PRKCZ: variants seen among roughly 807,000 people sequenced by gnomAD.
The protein encoded by PRKCZ is protein kinase C zeta type.
PRKCZ carries 33 observed loss-of-function variants against 79.5 expected under a neutral mutation model. The observed-to-expected ratio is 0.41, with a 90% confidence interval of 0.31 to 0.55. The LOEUF (loss-of-function observed/expected upper bound fraction) is 0.55, where lower values mean the gene tolerates loss of function less well. Among genes scored for constraint, PRKCZ ranks in the 20% least tolerant of loss-of-function variants. The probability of loss-of-function intolerance (pLI) is 0.19; values close to 1 mark genes in which losing one functional copy is unlikely to be tolerated. For synonymous variants in PRKCZ, 342 were observed against 320.9 expected (o/e 1.07, Z -0.70); for missense variants, 578 against 813.5 (o/e 0.71, Z 3.52).
At chr1:2,155,304 ATGG>A (rs1195846212) in intron 9 of PRKCZ, among the ~76,000 whole-genome samples, 8 of 150,444 alleles carry the variant, frequency 5.3e-5, no homozygotes, top group East Asian at 2.0e-4. Context: ...GGTGATGACA[ATGG>A]TGGTGATGAC....
intron 4 of PRKCZ, among the ~76,000 whole-genome samples, chr1:2,122,197 T>TCAC (rs199606555): frequency 2.1e-4 from 2 of 9,740 alleles, no homozygotes; most frequent in African/African-American, 6.7e-4. Context: ...GTGGTTAGGG[T>TCAC]GGTGGTGGTT....
chr1:2,154,312 C>T (rs771741885), intron 9 of PRKCZ, among the ~76,000 whole-genome samples: 13 of 152,030 alleles, frequency 8.6e-5, no homozygotes, highest in Admixed American at 1.3e-4. Flanking sequence ...AGGGAGAGGC[C>T]GGGCTGGGAG....
intron 16 of PRKCZ, among the ~76,000 whole-genome samples, chr1:2,176,072 C>T (rs984134048): frequency 5.9e-5 from 9 of 152,122 alleles, no homozygotes; most frequent in Middle Eastern, 3.4e-3. Flanking sequence ...GGACAGGGTG[C>T]GACGTACACT....
intron 4 of PRKCZ, among the ~76,000 whole-genome samples, chr1:2,076,853 C>A (rs530194134): frequency 6.6e-6 from 1 of 152,158 alleles, no homozygotes; most frequent in African/African-American, 2.4e-5. Flanking sequence ...GTCACTCATA[C>A]AGGAGACGCT....
chr1:2,060,801 G>A (rs1660603349), intron 4 of PRKCZ, among the ~76,000 whole-genome samples: 1 of 152,186 alleles, frequency 6.6e-6, no homozygotes, highest in African/African-American at 2.4e-5. Context: ...AGCGCAGGGC[G>A]AGTGTGAGGA....
chr1:2,156,960 T>C (rs1033500548), intron 10 of PRKCZ, among the ~76,000 whole-genome samples: 4 of 152,300 alleles, frequency 2.6e-5, no homozygotes, highest in African/African-American at 9.6e-5. Flanking sequence ...TATAAGATAC[T>C]GGTTCATGGG....
chr1:2,176,317 A>G (rs1190167809), intron 16 of PRKCZ, among the ~76,000 whole-genome samples: 1 of 151,900 alleles, frequency 6.6e-6, no homozygotes, highest in Non-Finnish European at 1.5e-5. Flanking sequence ...CTGTCAGGTT[A>G]AGGCAGGTAA....
chr1:2,121,936 TGGTGGTTAGGGTCACGGC>T (rs1672211611), intron 4 of PRKCZ, among the ~76,000 whole-genome samples: 1 of 132,666 alleles, frequency 7.5e-6, no homozygotes, highest in Non-Finnish European at 1.7e-5. Flanking sequence ...AGCGTCATGG[TGGTGGTTAGGGTCACGGC>T]GGTGGTTAGG....
At position 2,050,439 on chromosome 1, in the gene PRKCZ, G is replaced by T; in HGVS notation, c.-192G>T. The T allele has an allele frequency of 5.0e-6, 1 of 200,314 alleles. No individual in the cohort carries two copies. Among genetic ancestry groups the T allele is most frequent in the South Asian group, 1.6e-4 (1 of 6,092 alleles). 12.4% of individuals were successfully genotyped at this position (200,314 alleles called of 1,614,324 possible). A position where few individuals can be genotyped will look rare whatever the true frequency, so the allele number is the denominator to read the frequency against. ...CGGACACCGCCCCCCGCCCCCGCCG[G>T]ACGGTCCCGCCCCGCGCGCCCCCCG... On this transcript the variant is annotated 5_prime_UTR_variant, in exon 1 of 18. Transcript: ENST00000378567.
At chr1:2,097,554 T>A (rs1666732939) in intron 4 of PRKCZ, among the ~76,000 whole-genome samples, 1 of 152,196 alleles carries the variant, frequency 6.6e-6, no homozygotes, top group South Asian at 2.1e-4. Context: ...CCACTTCTCC[T>A]GGAGCCCCGT....
chr1:2,148,340 A>G (rs1040752470), intron 7 of PRKCZ, among the ~76,000 whole-genome samples: 1 of 150,622 alleles, frequency 6.6e-6, no homozygotes, highest in Non-Finnish European at 1.5e-5. Context: ...CCATCTGTCC[A>G]TCCACTGTCC....
Position 2,156,042 on chromosome 1 carries a change from C to T in PRKCZ, c.924C>T (p.Ser308=). 11 of 1,613,994 alleles carry T rather than the reference C, an allele frequency of 6.8e-6. No individual in the cohort carries two copies. The highest frequency in any genetic ancestry group is 9.3e-6 in the Non-Finnish European group (11 of 1,179,936). The part of the protein sequence containing the change: ...QTEKHVFEQA[S]SNPFLVGLHS... ...AGAAGCACGTGTTTGAGCAGGCATCCAGCAACCCCTTCCTGGTCGGATTAC... is the reference window on the plus strand; with the variant it reads ...AGAAGCACGTGTTTGAGCAGGCATCTAGCAACCCCTTCCTGGTCGGATTAC... Residue 308 remains serine, a synonymous_variant, in exon 10 of 18, where the codon TCC becomes TCT. Coordinates refer to ENST00000378567, the MANE Select transcript of PRKCZ (RefSeq NM_002744.6).
At position 2,184,714 on chromosome 1, in the gene PRKCZ, T is replaced by C. The variant is rs776200970; in HGVS notation, c.1691+16T>C. On this transcript the variant is annotated intron_variant, in intron 17 of 17. Coordinates refer to ENST00000378567, the MANE Select transcript of PRKCZ (RefSeq NM_002744.6). ...CAGACGATGAGTGAGTCCCACTGGG[T>C]GCGGGTCCCTGGAGCACCCCTCGGG... 7 of 1,605,800 alleles carry C rather than the reference T, an allele frequency of 4.4e-6. No homozygotes were observed. The African/African-American group carries it at 5.4e-5, about 12-fold the overall frequency.
intron 8 of PRKCZ, 41 bp downstream of exon 8, chr1:2,148,965 C>T: frequency 6.3e-7 from 1 of 1,590,990 alleles, no homozygotes; most frequent in Non-Finnish European, 8.6e-7. Flanking sequence ...CCGACGTCCT[C>T]TGGAAAGTCT....
chr1:2,131,612 G>A (rs1441401517), intron 4 of PRKCZ, among the ~76,000 whole-genome samples: 1 of 152,188 alleles, frequency 6.6e-6, no homozygotes, highest in African/African-American at 2.4e-5. Context: ...AGGAGCGCAG[G>A]ACTCGGCAAT....
At chr1:2,065,417 G>T (rs1266377728) in intron 4 of PRKCZ, among the ~76,000 whole-genome samples, 1 of 152,086 alleles carries the variant, frequency 6.6e-6, no homozygotes, top group East Asian at 1.9e-4. Flanking sequence ...GGTGGCTCAC[G>T]CCTGTAATCC....
At chr1:2,183,599 G>A (rs1687071101) in intron 16 of PRKCZ, 1 of 152,582 alleles carries the variant, frequency 6.6e-6, no homozygotes, top group Non-Finnish European at 1.5e-5. Flanking sequence ...TTTCTAGGGA[G>A]CAGAGTTCTT....
At position 2,055,299 on chromosome 1, in the gene PRKCZ, G is replaced by C. The variant is rs995442934; in HGVS notation, c.72-142G>C. 6 of 967,886 alleles carry C rather than the reference G, an allele frequency of 6.2e-6. No individual in the cohort carries two copies. In the African/African-American group the frequency reaches 9.8e-5, roughly 16 times the overall value. The allele number at this position is 967,886 out of a possible 1,614,324, so 60.0% of individuals were successfully genotyped here. On this transcript the variant is annotated intron_variant, in intron 1 of 17. Coordinates refer to ENST00000378567, the MANE Select transcript of PRKCZ (RefSeq NM_002744.6). ...TAATGGTTCTATTTTGTGTGTGGGA[G>C]GGGGGAGGGGGTGGGGCTGTCATAT...
intron 10 of PRKCZ, among the ~76,000 whole-genome samples, chr1:2,167,677 C>T (rs572094557): frequency 6.6e-6 from 1 of 152,306 alleles, no homozygotes; most frequent in East Asian, 1.9e-4. Context: ...AATCTCAGCT[C>T]ACTGCAGCCT....
Sources: gnomAD v4.1 joint callset for allele counts (sites outside exome capture counted in the v4.1 genomes callset) on GRCh38, gnomAD v4.1.1 for gene constraint, MANE v1.5 for transcripts, NCBI Gene and HGNC (gene_info 2026-07-23, HGNC 2026-07-21) for gene names.